KIF6: variants seen among roughly 807,000 people sequenced by gnomAD.
KIF6 encodes the protein kinesin family member 6.
A neutral mutation model predicts 112.7 loss-of-function variants in KIF6; 106 were observed. The observed-to-expected ratio is 0.94, with a 90% CI of 0.80 to 1.11. The LOEUF is 1.11. Among genes scored for constraint, KIF6 ranks in the 50% least tolerant of loss-of-function variants. The pLI is 0.00. For missense variants in KIF6, 929 were observed against 964.0 expected (o/e 0.96, Z 0.48); for synonymous variants, 339 against 339.9 (o/e 1.00, Z 0.03).
intron 3 of KIF6, among the ~76,000 whole-genome samples, chr6:39,668,821 T>G (rs1004738759): frequency 2.6e-5 from 4 of 152,236 alleles, no homozygotes; most frequent in Admixed American, 1.3e-4. Context: ...AAAGTAGTAA[T>G]GCAATTATGT....
At chr6:39,599,148 T>C (rs188417413) in intron 6 of KIF6, among the ~76,000 whole-genome samples, 13 of 152,316 alleles carry the variant, frequency 8.5e-5, no homozygotes, top group African/African-American at 2.6e-4. Context: ...GTGTTTTACA[T>C]TTTTTGGAAC....
chr6:39,372,559 C>T (rs1766099520), intron 16 of KIF6, among the ~76,000 whole-genome samples: 1 of 152,142 alleles, frequency 6.6e-6, no homozygotes, highest in Non-Finnish European at 1.5e-5. Flanking sequence ...GGAATCTAAT[C>T]CTTCATAGAG....
At chr6:39,535,471 A>G (rs1433038543) in intron 13 of KIF6, among the ~76,000 whole-genome samples, 1 of 152,190 alleles carries the variant, frequency 6.6e-6, no homozygotes, top group East Asian at 1.9e-4. Flanking sequence ...AAAGAAGGCC[A>G]TTACATAATG....
intron 13 of KIF6, among the ~76,000 whole-genome samples, chr6:39,531,813 T>C (rs1469533084): frequency 6.6e-6 from 1 of 152,178 alleles, no homozygotes; most frequent in Non-Finnish European, 1.5e-5. Flanking sequence ...TCATCATCCC[T>C]GTCCTTTGGC....
intron 14 of KIF6, among the ~76,000 whole-genome samples, chr6:39,430,532 G>T (rs537426381): frequency 3.3e-5 from 5 of 152,062 alleles, no homozygotes; most frequent in African/African-American, 1.2e-4. Context: ...TCTTTTGAAG[G>T]GGTCCAGAGC....
chr6:39,622,045 T>C (rs1177717407), intron 5 of KIF6, among the ~76,000 whole-genome samples: 1 of 151,604 alleles, frequency 6.6e-6, no homozygotes, highest in East Asian at 2.0e-4. Flanking sequence ...CGGGCACCTG[T>C]AATCCCAGCT....
At chr6:39,544,477 T>C (rs746694201) in intron 12 of KIF6, 78 bp downstream of exon 12, 34 of 1,453,612 alleles carry the variant, frequency 2.3e-5, no homozygotes, top group Middle Eastern at 1.8e-4. Flanking sequence ...AGCTCAGCCA[T>C]GTGGCTCAGG....
At chr6:39,415,645 G>C (rs1317776172) in intron 15 of KIF6, among the ~76,000 whole-genome samples, 3 of 152,196 alleles carry the variant, frequency 2.0e-5, no homozygotes, top group African/African-American at 4.8e-5. Context: ...CTTACTCCAG[G>C]ATAAGTTACA....
At chr6:39,423,738 C>T (rs1770553470) in intron 14 of KIF6, among the ~76,000 whole-genome samples, 1 of 152,110 alleles carries the variant, frequency 6.6e-6, no homozygotes, top group African/African-American at 2.4e-5. Flanking sequence ...CTGCACGCCA[C>T]CCTTTGCCCC....
At chr6:39,490,349 G>T (rs1775403023) in intron 13 of KIF6, among the ~76,000 whole-genome samples, 1 of 152,164 alleles carries the variant, frequency 6.6e-6, no homozygotes, top group Non-Finnish European at 1.5e-5. Flanking sequence ...TTCATTCCAA[G>T]GTAAAAGTGT....
At position 39,342,884 on chromosome 6, in the gene KIF6, C is replaced by T. The variant is rs535332039; in HGVS notation, c.2428+825G>A. The T allele has an allele frequency of 3.8e-4, 375 of 985,368 alleles. No homozygotes were observed. Among genetic ancestry groups the T allele is most frequent in the Middle Eastern group, 2.1e-3 (4 of 1,914 alleles). 61.0% of individuals were successfully genotyped at this position (985,368 alleles called of 1,614,324 possible). On this transcript the variant is annotated intron_variant, in intron 22 of 22. Coordinates refer to ENST00000287152, the MANE Select transcript of KIF6 (RefSeq NM_145027.6). This position sits in a 1 kb window ranked among gnomAD's most constrained non-coding sequence, Gnocchi z 4.7. Reference sequence around the variant, plus strand: ...GGCTGGTGGAGAAGCTGAGTGCAGGCGCCACAGGGCAGGCATCAGTCATTA... The same window carrying T: ...GGCTGGTGGAGAAGCTGAGTGCAGGTGCCACAGGGCAGGCATCAGTCATTA...
At chr6:39,495,073 T>C (rs1775703709) in intron 13 of KIF6, among the ~76,000 whole-genome samples, 1 of 152,182 alleles carries the variant, frequency 6.6e-6, no homozygotes. Context: ...CCGAGCTAAC[T>C]AGTCACCAAC....
chr6:39,358,506 C>T (rs1764882466), intron 18 of KIF6, among the ~76,000 whole-genome samples: 1 of 152,230 alleles, frequency 6.6e-6, no homozygotes. Flanking sequence ...CTTTCGCTGT[C>T]TCTGTAAGTC....
At chr6:39,419,583 G>T (rs533396318) in intron 15 of KIF6, among the ~76,000 whole-genome samples, 43 of 152,196 alleles carry the variant, frequency 2.8e-4, no homozygotes, top group African/African-American at 9.9e-4. Context: ...GCTTTGGGAG[G>T]TGTAAGAGTG....
chr6:39,491,694 A>G (rs767737420), intron 13 of KIF6, among the ~76,000 whole-genome samples: 1 of 152,194 alleles, frequency 6.6e-6, no homozygotes, highest in Non-Finnish European at 1.5e-5. Context: ...AGACAGTGTT[A>G]GCAGAAGCCT....
At chr6:39,348,446 G>A (rs547492339) in intron 19 of KIF6, among the ~76,000 whole-genome samples, 55 of 152,242 alleles carry the variant, frequency 3.6e-4, no homozygotes, top group Non-Finnish European at 5.7e-4. Flanking sequence ...GGGGGCTCTC[G>A]AGGGAAATGA....
chr6:39,342,650 G>A lies in KIF6; in HGVS notation c.2428+1059C>T, dbSNP rs1402301302. ...TTTTTTATTTTTAGACAAGGAAACTGAGAATGAGACAAGATCACAGCAGAG... is the reference window on the plus strand; with the variant it reads ...TTTTTTATTTTTAGACAAGGAAACTAAGAATGAGACAAGATCACAGCAGAG... On this transcript the variant is annotated intron_variant, in intron 22 of 22. Coordinates refer to ENST00000287152, the MANE Select transcript of KIF6 (RefSeq NM_145027.6). The surrounding 1 kb of genome is among the most constrained non-coding windows in gnomAD (Gnocchi z 4.7). Among the ~76,000 whole-genome samples, 1 of 141,310 alleles carries A rather than the reference G, an allele frequency of 7.1e-6. No homozygotes were observed. The highest frequency in any genetic ancestry group is 2.0e-4 in the East Asian group (1 of 4,946). 92.7% of individuals were successfully genotyped at this position (141,310 alleles called of 152,430 possible).
intron 13 of KIF6, among the ~76,000 whole-genome samples, chr6:39,494,255 T>C (rs1374737311): frequency 6.6e-6 from 1 of 152,238 alleles, no homozygotes; most frequent in Admixed American, 6.5e-5. Context: ...CTTTTGAGTA[T>C]AAAATTTCCC....
At chr6:39,570,319 T>C (rs1030609302) in intron 10 of KIF6, among the ~76,000 whole-genome samples, 5 of 151,852 alleles carry the variant, frequency 3.3e-5, no homozygotes, top group African/African-American at 9.7e-5. Context: ...TGGGGAAAAA[T>C]GGAGAGGAAT....
Sources: gnomAD v4.1 joint callset for allele counts (sites outside exome capture counted in the v4.1 genomes callset) on GRCh38, gnomAD v4.1.1 for gene constraint, Gnocchi (gnomAD v3.1) non-coding constraint, MANE v1.5 for transcripts, NCBI Gene and HGNC (gene_info 2026-07-23, HGNC 2026-07-21) for gene names.